The following LPAR1 variants were observed in gnomAD, a reference collection of about 807,000 sequenced individuals.
LPAR1 encodes lysophosphatidic acid receptor 1, also known as LPA receptor 1.
Under a neutral mutation model 23.8 loss-of-function variants are expected in LPAR1, and 5 were observed. That is an observed-to-expected ratio of 0.21 (90% CI 0.11 to 0.44). The LOEUF (loss-of-function observed/expected upper bound fraction) is 0.44, where lower values mean the gene tolerates loss of function less well. LPAR1 is among the 20% of genes least tolerant of loss of function. The pLI is 0.99. For missense variants in LPAR1, 311 were observed against 482.8 expected (o/e 0.64, Z 3.33); for synonymous variants, 160 against 164.7 (o/e 0.97, Z 0.22).
intron 2 of LPAR1, among the ~76,000 whole-genome samples, chr9:111,028,809 C>G (rs948322761): frequency 3.3e-5 from 5 of 152,108 alleles, no homozygotes; most frequent in African/African-American, 9.7e-5. Flanking sequence ...TTTTATATGA[C>G]AGCAATATGA....
chr9:110,935,275 G>T (rs4246884), intron 5 of LPAR1, among the ~76,000 whole-genome samples: 96,250 of 151,832 alleles, frequency 0.63, 31,936 homozygotes, highest in East Asian at 0.97. Flanking sequence ...GCTTGGATCA[G>T]GAGCTAACTA....
chr9:110,932,082 T>C, intron 5 of LPAR1, among the ~76,000 whole-genome samples: 1 of 152,334 alleles, frequency 6.6e-6, no homozygotes, highest in South Asian at 2.1e-4. Flanking sequence ...AACGACCTTA[T>C]GGCAAATATC....
chr9:110,905,348 T>C (rs1160974295), intron 5 of LPAR1, among the ~76,000 whole-genome samples: 1 of 123,244 alleles, frequency 8.1e-6, no homozygotes, highest in Non-Finnish European at 1.6e-5. Flanking sequence ...TTTTTTTTAT[T>C]ATTTTTTTTT....
Position 110,904,375 on chromosome 9 carries a change from A to G in LPAR1, c.794-28653T>C, listed in dbSNP as rs530780313. 3.3e-5 allele frequency among the ~76,000 whole-genome samples: 5 copies of G among 152,332 alleles called. No individual in the cohort carries two copies. The South Asian group carries it at 1.0e-3, about 32-fold the overall frequency. On this transcript the variant is annotated intron_variant, in intron 5 of 5. Transcript: ENST00000683809. The stretch of plus-strand genomic sequence containing the variant: ...AGGTAAAAGCATTTAAATGGAAATA[A>G]GGCCCCCATGTGTCACTCAAAGTGG...
At position 110,937,963 on chromosome 9, in the gene LPAR1, G is replaced by T. The variant is rs540932461; in HGVS notation, c.793+3458C>A. ...AGAAGGCATAGAACATAAAGGTGTCGCTAGGTTTGGCTCCCACATAGCTGA... is the reference window on the plus strand; with the variant it reads ...AGAAGGCATAGAACATAAAGGTGTCTCTAGGTTTGGCTCCCACATAGCTGA... On this transcript the variant is annotated intron_variant, in intron 5 of 5. Coordinates refer to ENST00000683809, the MANE Select transcript of LPAR1 (RefSeq NM_001351411.2). Among the ~76,000 whole-genome samples the T allele has an allele frequency of 2.6e-4, 39 of 152,282 alleles. No individual in the cohort carries two copies. The South Asian group carries it at 8.1e-3, about 32-fold the overall frequency.
intron 5 of LPAR1, among the ~76,000 whole-genome samples, chr9:110,931,493 T>C (rs1588394223): frequency 6.6e-6 from 1 of 152,200 alleles, no homozygotes; most frequent in Non-Finnish European, 1.5e-5. Context: ...AAAATTCTGA[T>C]GGTAGTTTCT....
At position 110,928,331 on chromosome 9, in the gene LPAR1, A is replaced by T. The variant is rs188939908; in HGVS notation, c.793+13090T>A. 3.1e-4 allele frequency among the ~76,000 whole-genome samples: 47 copies of T among 152,298 alleles called. No individual in the cohort carries two copies. In the East Asian group the frequency reaches 6.9e-3, roughly 23 times the overall value. ...TTTAGATTGAACTGAAGCATTAAGA[A>T]ATTCCACTAAGGAATTCTATTAATG... On this transcript the variant is annotated intron_variant, in intron 5 of 5. Coordinates refer to ENST00000683809, the MANE Select transcript of LPAR1 (RefSeq NM_001351411.2).
intron 2 of LPAR1, among the ~76,000 whole-genome samples, chr9:111,024,658 G>A (rs10980697): frequency 0.013 from 1,973 of 151,162 alleles, 39 homozygotes; most frequent in African/African-American, 0.045. Context: ...CCATAAACTC[G>A]CCATCTACAT....
chr9:110,893,997 G>A (rs190352623), intron 5 of LPAR1, among the ~76,000 whole-genome samples: 1 of 152,046 alleles, frequency 6.6e-6, no homozygotes, highest in Admixed American at 6.6e-5. Context: ...TGCTTCATTA[G>A]AATAAATTAG....
intron 2 of LPAR1, among the ~76,000 whole-genome samples, chr9:110,994,338 T>C (rs1300882645): frequency 6.6e-6 from 1 of 152,174 alleles, no homozygotes; most frequent in Non-Finnish European, 1.5e-5. Flanking sequence ...AAAGACCTAA[T>C]TATAAATACA....
At chr9:110,996,896 G>A (rs537890943) in intron 2 of LPAR1, among the ~76,000 whole-genome samples, 73 of 152,256 alleles carry the variant, frequency 4.8e-4, no homozygotes, top group South Asian at 4.8e-3. Context: ...TGATGGTCTC[G>A]TTACAGAGAC....
intron 2 of LPAR1, among the ~76,000 whole-genome samples, chr9:110,996,979 C>T (rs574511940): frequency 6.6e-5 from 10 of 152,284 alleles, no homozygotes; most frequent in African/African-American, 2.4e-4. Flanking sequence ...TTTCTTTTGG[C>T]CCCAAGCCCA....
At chr9:110,920,998 T>C (rs1160760786) in intron 5 of LPAR1, among the ~76,000 whole-genome samples, 1 of 151,926 alleles carries the variant, frequency 6.6e-6, no homozygotes, top group East Asian at 1.9e-4. Flanking sequence ...TAGCCAGACG[T>C]TACGGCGCTT....
chr9:110,921,182 G>A (rs1048766964), intron 5 of LPAR1, among the ~76,000 whole-genome samples: 1 of 152,114 alleles, frequency 6.6e-6, no homozygotes, highest in Non-Finnish European at 1.5e-5. Context: ...GGTGAGGTAG[G>A]ACGATGGCTT....
intron 4 of LPAR1, among the ~76,000 whole-genome samples, chr9:110,955,825 A>C (rs1184922011): frequency 1.3e-5 from 2 of 152,074 alleles, no homozygotes; most frequent in East Asian, 3.9e-4. Context: ...AAGAAATTAA[A>C]AAGAAAATCA....
chr9:110,898,650 C>A (rs563477248), intron 5 of LPAR1, among the ~76,000 whole-genome samples: 1 of 152,196 alleles, frequency 6.6e-6, no homozygotes, highest in Non-Finnish European at 1.5e-5. Flanking sequence ...GTCCTTTCCA[C>A]AAAACATGCA....
At chr9:111,022,928 C>T (rs1463115961) in intron 2 of LPAR1, among the ~76,000 whole-genome samples, 1 of 152,006 alleles carries the variant, frequency 6.6e-6, no homozygotes, top group Non-Finnish European at 1.5e-5. Context: ...TGGCGGGTGC[C>T]TGTAGTCCCA....
chr9:110,963,953 T>C (rs906895760), intron 4 of LPAR1, among the ~76,000 whole-genome samples: 5 of 152,264 alleles, frequency 3.3e-5, no homozygotes, highest in Non-Finnish European at 5.9e-5. Flanking sequence ...CTCAATTCTA[T>C]GTTAGACGAA....
intron 2 of LPAR1, among the ~76,000 whole-genome samples, chr9:111,003,393 G>C (rs932368927): frequency 6.6e-6 from 1 of 152,118 alleles, no homozygotes; most frequent in Non-Finnish European, 1.5e-5. Context: ...GCAAGAGTGA[G>C]ACCAGCAGGG....
Sources: allele counts gnomAD v4.1 joint callset (sites outside exome capture counted in the v4.1 genomes callset), GRCh38; gene constraint gnomAD v4.1.1; transcripts MANE v1.5; gene names NCBI Gene and HGNC (gene_info 2026-07-23, HGNC 2026-07-21).